TRAF3IP1: variants seen among roughly 807,000 people sequenced by gnomAD.
TRAF3IP1 encodes the protein TRAF3-interacting protein 1.
Under a neutral mutation model 89.9 loss-of-function variants are expected in TRAF3IP1, and 53 were observed. The ratio of observed to expected loss-of-function variants is 0.59; its 90% CI spans 0.47 to 0.74. The LOEUF (loss-of-function observed/expected upper bound fraction) is 0.74, where lower values mean the gene tolerates loss of function less well. TRAF3IP1 is among the 30% of genes least tolerant of loss of function. The pLI, the probability that TRAF3IP1 is intolerant of heterozygous loss-of-function variation, is 0.00. For synonymous variants in TRAF3IP1, 311 were observed against 322.1 expected (o/e 0.97, Z 0.37); for missense variants, 806 against 866.1 (o/e 0.93, Z 0.87).
rs186753627 is a variant in TRAF3IP1 at position 238,324,013 on chromosome 2, A to G, written c.124-1293A>G. ...GTGAGTAGTGACACGTGGTGAGGAG[A>G]AAGACCCTTGCAGAACTTCTAGTCT... On this transcript the variant is annotated intron_variant, in intron 1 of 16. Transcript: ENST00000373327. Among the ~76,000 whole-genome samples, 45 of 152,290 alleles carry G rather than the reference A, an allele frequency of 3.0e-4. No homozygotes were observed. In the East Asian group the frequency reaches 8.1e-3, roughly 27 times the overall value.
chr2:238,387,703 T>C (rs1003123688), intron 15 of TRAF3IP1, among the ~76,000 whole-genome samples: 5 of 152,226 alleles, frequency 3.3e-5, no homozygotes. Flanking sequence ...GCAGAATGGA[T>C]GAATAGTGGT....
intron 9 of TRAF3IP1, 181 bp downstream of exon 9, chr2:238,344,779 T>C (rs1698817199): frequency 1.4e-6 from 1 of 695,170 alleles, no homozygotes; most frequent in Non-Finnish European, 2.6e-6. Context: ...TGGTGGTTTC[T>C]TGATAGCATG....
At chr2:238,338,156 A>G (rs1213106864) in intron 7 of TRAF3IP1, among the ~76,000 whole-genome samples, 5 of 152,098 alleles carry the variant, frequency 3.3e-5, no homozygotes, top group African/African-American at 1.2e-4. Context: ...AAACTTGGAG[A>G]GGAAGAAAGT....
chr2:238,392,585 T>C (rs1574978394), intron 15 of TRAF3IP1, among the ~76,000 whole-genome samples: 1 of 140,308 alleles, frequency 7.1e-6, no homozygotes, highest in South Asian at 2.2e-4. Context: ...TTTTTTTTTT[T>C]TCTTGAGACG....
chr2:238,372,044 A>G (rs1193132395), intron 15 of TRAF3IP1, among the ~76,000 whole-genome samples: 2 of 152,192 alleles, frequency 1.3e-5, no homozygotes, highest in Non-Finnish European at 2.9e-5. Context: ...GAATAACATA[A>G]TAATAATAGA....
At chr2:238,347,503 G>C in intron 10 of TRAF3IP1, 28 bp downstream of exon 10, 1 of 1,613,114 alleles carries the variant, frequency 6.2e-7, no homozygotes, top group Non-Finnish European at 8.5e-7. Flanking sequence ...ATACCTGTGT[G>C]TCATATCAAT....
intron 16 of TRAF3IP1, 23 bp from the exon 17 acceptor site, chr2:238,398,731 C>T: frequency 1.9e-6 from 3 of 1,551,412 alleles, no homozygotes; most frequent in South Asian, 2.5e-5. Context: ...GAGTGATGAG[C>T]CGCTGGTTTT....
intron 15 of TRAF3IP1, among the ~76,000 whole-genome samples, chr2:238,362,731 TCACAAAC>T (rs1699715440): frequency 6.6e-6 from 1 of 152,248 alleles, no homozygotes; most frequent in Non-Finnish European, 1.5e-5. Flanking sequence ...AATTCCATTA[TCACAAAC>T]TAGAACGTGT....
intron 15 of TRAF3IP1, among the ~76,000 whole-genome samples, chr2:238,372,047 A>G (rs1034520368): frequency 1.9e-4 from 29 of 152,338 alleles, no homozygotes; most frequent in South Asian, 4.1e-4. Flanking sequence ...TAACATAATA[A>G]TAATAGATGG....
At chr2:238,384,340 GTAT>G (rs771438785) in intron 15 of TRAF3IP1, among the ~76,000 whole-genome samples, 2 of 118,552 alleles carry the variant, frequency 1.7e-5, no homozygotes, top group African/African-American at 6.6e-5. Context: ...TCAACCTGAT[GTAT>G]GTATGTATGT....
rs888324273 is a variant in TRAF3IP1, at chr2:238,333,948, T to G, written c.988-12T>G. ...ACATCAATTAATTTCTTTTCATTCT[T>G]TTTTCTTTAAGACTGAGATTTCCAC... On this transcript the variant is annotated splice_polypyrimidine_tract_variant and intron_variant, in intron 6 of 16. Coordinates refer to ENST00000373327, the MANE Select transcript of TRAF3IP1 (RefSeq NM_015650.4). 4.1e-5 allele frequency: 66 copies of G among 1,596,486 alleles called. No homozygotes were observed. The highest frequency in any genetic ancestry group is 5.6e-5 in the Non-Finnish European group (65 of 1,170,262).
At chr2:238,375,039 G>GC (rs1312561620) in intron 15 of TRAF3IP1, among the ~76,000 whole-genome samples, 1 of 151,822 alleles carries the variant, frequency 6.6e-6, no homozygotes, top group African/African-American at 2.4e-5. Flanking sequence ...TATTAGTCTT[G>GC]CTAGCGGTCT....
chr2:238,358,421 A>C (rs751267147), intron 15 of TRAF3IP1, among the ~76,000 whole-genome samples: 28 of 152,166 alleles, frequency 1.8e-4, no homozygotes, highest in Non-Finnish European at 3.4e-4. Context: ...TTGTAGTCCC[A>C]GCTACTCAGG....
intron 12 of TRAF3IP1, 134 bp from the exon 13 acceptor site, chr2:238,352,693 G>T (rs1449367297): frequency 3.5e-6 from 3 of 865,394 alleles, no homozygotes; most frequent in Non-Finnish European, 5.3e-6. Flanking sequence ...GCTTCAGCGG[G>T]TAGCTTGAGA....
At chr2:238,331,227 G>A (rs544351593) in intron 5 of TRAF3IP1, among the ~76,000 whole-genome samples, 5 of 151,328 alleles carry the variant, frequency 3.3e-5, no homozygotes, top group Middle Eastern at 3.4e-3. Flanking sequence ...TTGGGAGGCC[G>A]AGGCAGGTGG....
rs1280393823 is a variant in TRAF3IP1 at position 238,400,323 on chromosome 2, T to G, written c.*1404T>G. On this transcript the variant is annotated 3_prime_UTR_variant, in exon 17 of 17. Transcript: ENST00000373327. ...GTTGACCAGGATGGTCTCCACCTCC[T>G]GACCTCGTGATCCGCCTGCCTCGGC... 6.6e-6 allele frequency: 1 copy of G among 152,266 alleles called. No individual in the cohort carries two copies. The highest frequency in any genetic ancestry group is 1.5e-5 in the Non-Finnish European group (1 of 68,086). The allele number at this position is 152,266 out of a possible 1,614,324, so 9.4% of individuals were successfully genotyped here. A position where few individuals can be genotyped will look rare whatever the true frequency, so the allele number is the denominator to read the frequency against.
In TRAF3IP1 at chr2:238,328,804, A is replaced by G; in HGVS notation, c.473A>G (p.Glu158Gly). The G allele has an allele frequency of 6.2e-7, 1 of 1,613,772 alleles. No individual in the cohort carries two copies. The highest frequency in any genetic ancestry group is 1.1e-5 in the South Asian group (1 of 90,952). Residue 158 changes from glutamate (E) to glycine (G), a missense_variant, in exon 4 of 17, where the codon GAG becomes GGG. This residue lies in a region of TRAF3IP1 where 732 missense variants were observed against 780.5 expected (regional missense o/e 0.94). Coordinates refer to ENST00000373327, the MANE Select transcript of TRAF3IP1 (RefSeq NM_015650.4). Reference sequence around the variant, plus strand: ...GATAATAAGAATGTGCGAGAAGAAGAGTCCAGAGTTCACAAAAATACAGAG... The same window carrying G: ...GATAATAAGAATGTGCGAGAAGAAGGGTCCAGAGTTCACAAAAATACAGAG... ...ELDNKNVREE[E>G]SRVHKNTEDR...
intron 3 of TRAF3IP1, 104 bp from the exon 4 acceptor site, chr2:238,328,582 G>C (rs1226360548): frequency 2.2e-6 from 3 of 1,344,390 alleles, no homozygotes; most frequent in Non-Finnish European, 3.1e-6. Flanking sequence ...ATTGTAGACA[G>C]AGAATCTGTC....
intron 15 of TRAF3IP1, among the ~76,000 whole-genome samples, chr2:238,391,581 T>G (rs946360217): frequency 2.6e-5 from 4 of 152,362 alleles, no homozygotes; most frequent in Non-Finnish European, 4.4e-5. Context: ...CTGTCCTGAC[T>G]ATCACAATCC....
Sources: allele counts gnomAD v4.1 joint callset (sites outside exome capture counted in the v4.1 genomes callset), GRCh38; gene constraint gnomAD v4.1.1; regional missense constraint gnomAD v4.1.1; transcripts MANE v1.5; gene names NCBI Gene and HGNC (gene_info 2026-07-23, HGNC 2026-07-21).